GRID2: variants seen among roughly 807,000 people sequenced by gnomAD.
The protein encoded by GRID2 is glutamate ionotropic receptor delta type subunit 2, also known as glutamate receptor ionotropic, delta-2.
A neutral mutation model predicts 114.8 loss-of-function variants in GRID2; 33 were observed. The observed-to-expected ratio is 0.29, with a 90% CI of 0.22 to 0.38. GRID2 has a LOEUF of 0.38. Among genes scored for constraint, GRID2 ranks in the 10% least tolerant of loss-of-function variants. The probability of loss-of-function intolerance (pLI) is 1.00; values close to 1 mark genes in which losing one functional copy is unlikely to be tolerated. For missense variants in GRID2, 1,184 were observed against 1,257.7 expected (o/e 0.94, Z 0.89); for synonymous variants, 505 against 449.9 (o/e 1.12, Z -1.55).
intron 4 of GRID2, among the ~76,000 whole-genome samples, chr4:93,191,940 T>A (rs1560969232): frequency 6.6e-6 from 1 of 152,206 alleles, no homozygotes; most frequent in Non-Finnish European, 1.5e-5. Flanking sequence ...ATCTTCTATC[T>A]ATTTCTATAT....
chr4:92,571,477 G>A (rs1353645115), intron 1 of GRID2, among the ~76,000 whole-genome samples: 2 of 152,072 alleles, frequency 1.3e-5, no homozygotes, highest in African/African-American at 4.8e-5. Flanking sequence ...AGATCAATGA[G>A]ACAGAAAGTT....
chr4:92,674,131 A>G (rs78504354), intron 2 of GRID2, among the ~76,000 whole-genome samples: 9,275 of 152,176 alleles, frequency 0.061, 342 homozygotes, highest in East Asian at 0.16. Flanking sequence ...ATCCTGTTTA[A>G]AATGAATTGA....
chr4:93,195,316 A>G (rs1741379560), intron 4 of GRID2, among the ~76,000 whole-genome samples: 1 of 152,184 alleles, frequency 6.6e-6, no homozygotes, highest in African/African-American at 2.4e-5. Flanking sequence ...CCAGTCAAGC[A>G]TGTGTTAACA....
intron 13 of GRID2, among the ~76,000 whole-genome samples, chr4:93,611,973 G>A (rs555908321): frequency 6.8e-6 from 1 of 147,790 alleles, no homozygotes; most frequent in Non-Finnish European, 1.5e-5. Flanking sequence ...GGTCACTCAG[G>A]ACTTGCTTTA....
intron 14 of GRID2, among the ~76,000 whole-genome samples, chr4:93,702,265 C>T (rs1485506598): frequency 2.0e-5 from 3 of 152,012 alleles, no homozygotes; most frequent in African/African-American, 7.2e-5. Flanking sequence ...GCATTAAGTC[C>T]TTCTGTAAAA....
chr4:93,561,035 A>T (rs72670628), intron 13 of GRID2, among the ~76,000 whole-genome samples: 1 of 152,120 alleles, frequency 6.6e-6, no homozygotes, highest in Non-Finnish European at 1.5e-5. Flanking sequence ...TTCTCTGAGC[A>T]TTTAAATATA....
chr4:93,478,044 A>T (rs954399515), intron 11 of GRID2, among the ~76,000 whole-genome samples: 1 of 152,114 alleles, frequency 6.6e-6, no homozygotes, highest in East Asian at 1.9e-4. Context: ...TCAAATTGTA[A>T]TGTAGCCCAC....
rs146959262 is a variant in GRID2 at position 93,000,312 on chromosome 4, T to G, written c.245-84683T>G. Among the ~76,000 whole-genome samples, 652 of 151,786 alleles carry G rather than the reference T, an allele frequency of 4.3e-3. 7 individuals carry two copies. The highest frequency in any genetic ancestry group is 0.015 in the African/African-American group (631 of 41,512). Reference sequence around the variant, plus strand: ...TAATTCTTAACATAATAATTATATTTAAAATAATCTGACATCAGATTTTCA... The same window carrying G: ...TAATTCTTAACATAATAATTATATTGAAAATAATCTGACATCAGATTTTCA... On this transcript the variant is annotated intron_variant, in intron 2 of 15. Transcript: ENST00000282020.
intron 13 of GRID2, among the ~76,000 whole-genome samples, chr4:93,581,178 G>A (rs1299851450): frequency 7.3e-6 from 1 of 136,624 alleles, no homozygotes; most frequent in East Asian, 2.2e-4. Flanking sequence ...TCCCGCTTAT[G>A]AGCAAGAACA....
intron 2 of GRID2, among the ~76,000 whole-genome samples, chr4:92,737,795 T>C (rs1001332380): frequency 2.0e-5 from 3 of 152,138 alleles, no homozygotes; most frequent in African/African-American, 7.2e-5. Context: ...ATGAGTATTT[T>C]TCTTCATTTA....
At chr4:93,496,516 C>T (rs187063962) in intron 12 of GRID2, among the ~76,000 whole-genome samples, 2 of 151,876 alleles carry the variant, frequency 1.3e-5, no homozygotes, top group Admixed American at 1.3e-4. Context: ...CATTCTACCC[C>T]TTTATAGTCA....
intron 2 of GRID2, among the ~76,000 whole-genome samples, chr4:92,803,655 C>G (rs1740277683): frequency 6.6e-6 from 1 of 151,878 alleles, no homozygotes; most frequent in African/African-American, 2.4e-5. Context: ...TTTATTTTTG[C>G]TTCTATCTGG....
chr4:93,556,750 C>G (rs1434197609), intron 13 of GRID2, among the ~76,000 whole-genome samples: 1 of 152,062 alleles, frequency 6.6e-6, no homozygotes, highest in Non-Finnish European at 1.5e-5. Context: ...TAGAGAACAC[C>G]ACAATGATAC....
chr4:93,209,230 C>G (rs535727062), intron 5 of GRID2, among the ~76,000 whole-genome samples: 1 of 151,982 alleles, frequency 6.6e-6, no homozygotes, highest in East Asian at 1.9e-4. Context: ...GTTATTTTTC[C>G]TGTTCCTTTT....
At chr4:93,115,394 T>C (rs1733143854) in intron 4 of GRID2, among the ~76,000 whole-genome samples, 1 of 66,114 alleles carries the variant, frequency 1.5e-5, no homozygotes, top group Non-Finnish European at 3.1e-5. Flanking sequence ...GCATTCCAAG[T>C]ATATACAGAC....
chr4:93,651,240 G>A (rs1003760795), intron 14 of GRID2, among the ~76,000 whole-genome samples: 1 of 152,232 alleles, frequency 6.6e-6, no homozygotes, highest in South Asian at 2.1e-4. Flanking sequence ...TGTTTCCTAG[G>A]GGTTAGACTG....
intron 1 of GRID2, among the ~76,000 whole-genome samples, chr4:92,461,219 G>A (rs899449901): frequency 6.6e-5 from 10 of 151,744 alleles, no homozygotes; most frequent in Admixed American, 4.6e-4. Context: ...AACTTTTATC[G>A]TAGGAATGTT....
intron 2 of GRID2, among the ~76,000 whole-genome samples, chr4:92,719,787 T>G (rs1735726708): frequency 6.6e-6 from 1 of 152,092 alleles, no homozygotes; most frequent in South Asian, 2.1e-4. Context: ...ATTCAAGAAG[T>G]GAAGGCTCTT....
Position 92,643,508 on chromosome 4 carries a change from C to G in GRID2, c.244+53222C>G, listed in dbSNP as rs1181991192. Among the ~76,000 whole-genome samples the G allele has an allele frequency of 3.3e-5, 5 of 151,836 alleles. No individual in the cohort carries two copies. In the South Asian group the frequency reaches 1.0e-3, roughly 32 times the overall value. The stretch of plus-strand genomic sequence containing the variant: ...GTTTTCAGAATATAAAATAAATGTA[C>G]AAAAACTCACTAGCATTTTTATATA... On this transcript the variant is annotated intron_variant, in intron 2 of 15. Coordinates refer to ENST00000282020, the MANE Select transcript of GRID2 (RefSeq NM_001510.4).
Sources: gnomAD v4.1 joint callset for allele counts (sites outside exome capture counted in the v4.1 genomes callset) on GRCh38, gnomAD v4.1.1 for gene constraint, MANE v1.5 for transcripts, NCBI Gene and HGNC (gene_info 2026-07-23, HGNC 2026-07-21) for gene names.